The following HPSE2 variants were observed in gnomAD, a reference collection of about 807,000 sequenced individuals.
The protein encoded by HPSE2 is heparanase 2 (inactive), also known as inactive heparanase-2.
A neutral mutation model predicts 60.5 loss-of-function variants in HPSE2; 38 were observed. The ratio of observed to expected loss-of-function variants is 0.63; its 90% confidence interval spans 0.48 to 0.82. The LOEUF is 0.82. Ranked by LOEUF, HPSE2 falls within the 40% of genes least tolerant of loss-of-function variation. The pLI is 0.00. For synonymous variants in HPSE2, 295 were observed against 293.2 expected (o/e 1.01, Z -0.06); for missense variants, 713 against 740.4 (o/e 0.96, Z 0.43).
chr10:98,939,215 G>A (rs1954909837), intron 3 of HPSE2, among the ~76,000 whole-genome samples: 1 of 143,570 alleles, frequency 7.0e-6, no homozygotes. Flanking sequence ...ATAATGACAG[G>A]ATAAATTCAC....
intron 2 of HPSE2, among the ~76,000 whole-genome samples, chr10:99,216,509 T>C (rs777785840): frequency 3.9e-5 from 6 of 152,128 alleles, no homozygotes; most frequent in Non-Finnish European, 7.4e-5. Context: ...TAGACTCTTA[T>C]AAACATTTAC....
rs560196391 is a variant in HPSE2, at chr10:98,524,550, G to C, written c.1321-34354C>G. On this transcript the variant is annotated intron_variant, in intron 9 of 11. Transcript: ENST00000370552. ...TTCCTCATGTTACTTCTCTGTATTAGCCAACCACTTTTGCTGAAAATGATA... is the reference window on the plus strand; with the variant it reads ...TTCCTCATGTTACTTCTCTGTATTACCCAACCACTTTTGCTGAAAATGATA... Among the ~76,000 whole-genome samples the C allele has an allele frequency of 7.2e-5, 11 of 152,260 alleles. No individual in the cohort carries two copies. In the South Asian group the frequency reaches 2.1e-3, roughly 29 times the overall value.
chr10:99,078,042 G>A (rs1377022333), intron 3 of HPSE2, among the ~76,000 whole-genome samples: 1 of 152,054 alleles, frequency 6.6e-6, no homozygotes, highest in Admixed American at 6.5e-5. Flanking sequence ...CCCGTTCCAT[G>A]TGATATGGGC....
At chr10:99,132,395 C>G (rs1454868817) in intron 3 of HPSE2, among the ~76,000 whole-genome samples, 1 of 151,938 alleles carries the variant, frequency 6.6e-6, no homozygotes, top group Admixed American at 6.6e-5. Flanking sequence ...ATTCAAGAAG[C>G]CTGAAATCCA....
At chr10:99,200,280 C>T (rs540897896) in intron 2 of HPSE2, among the ~76,000 whole-genome samples, 4 of 152,088 alleles carry the variant, frequency 2.6e-5, no homozygotes, top group East Asian at 1.9e-4. Flanking sequence ...TGTAGCAAAG[C>T]GATAGGCACC....
Position 98,630,440 on chromosome 10 carries a change from G to A in HPSE2, c.1099-9732C>T, listed in dbSNP as rs909083385. Among the ~76,000 whole-genome samples the A allele has an allele frequency of 6.6e-5, 10 of 151,736 alleles. No homozygotes were observed. In the South Asian group the frequency reaches 1.7e-3, roughly 25 times the overall value. On this transcript the variant is annotated intron_variant, in intron 7 of 11. Transcript: ENST00000370552. ...TCTCGATCTCCTGACCTCATGATCC[G>A]CCCGCCTTGGCCTCCCAAAGTGCTG... is the stretch of plus-strand genomic sequence containing the variant.
At chr10:99,113,976 T>C (rs2135687771) in intron 3 of HPSE2, among the ~76,000 whole-genome samples, 1 of 152,352 alleles carries the variant, frequency 6.6e-6, no homozygotes, top group South Asian at 2.1e-4. Flanking sequence ...AGTACTATAT[T>C]TAATCCAATT....
At chr10:98,684,251 G>A (rs1338326314) in intron 6 of HPSE2, among the ~76,000 whole-genome samples, 2 of 152,196 alleles carry the variant, frequency 1.3e-5, no homozygotes, top group East Asian at 1.9e-4. Flanking sequence ...CAATCAACCC[G>A]TCCAGATGGG....
chr10:98,562,512 C>T (rs1302551171), intron 9 of HPSE2, among the ~76,000 whole-genome samples: 2 of 151,754 alleles, frequency 1.3e-5, no homozygotes, highest in African/African-American at 4.8e-5. Context: ...GTCAGGAGAT[C>T]GAGACCATCC....
chr10:98,618,844 T>C (rs2133982821), intron 8 of HPSE2, among the ~76,000 whole-genome samples: 1 of 152,264 alleles, frequency 6.6e-6, no homozygotes. Flanking sequence ...CCCAAAGTGC[T>C]GGGATTACAG....
At chr10:98,679,399 G>A (rs1947728060) in intron 6 of HPSE2, among the ~76,000 whole-genome samples, 1 of 152,124 alleles carries the variant, frequency 6.6e-6, no homozygotes, top group Non-Finnish European at 1.5e-5. Flanking sequence ...ATTTTCCAGA[G>A]TCCATATGAC....
chr10:98,782,794 G>T, intron 3 of HPSE2, among the ~76,000 whole-genome samples: 1 of 59,948 alleles, frequency 1.7e-5, no homozygotes, highest in Admixed American at 1.4e-4. Context: ...TAGGGCTCCT[G>T]ACTATATAAA....
intron 5 of HPSE2, among the ~76,000 whole-genome samples, chr10:98,696,157 A>T (rs1364918045): frequency 6.6e-6 from 1 of 152,104 alleles, no homozygotes; most frequent in African/African-American, 2.4e-5. Context: ...ATTTCAAAGA[A>T]AGAAATGTAA....
At chr10:99,304,882 TTCC>T in the HPSE2 span, among the ~76,000 whole-genome samples, 1 of 152,216 alleles carries the variant, frequency 6.6e-6, no homozygotes, top group African/African-American at 2.4e-5. Flanking sequence ...AAACACAAGC[TTCC>T]TCCTCAAGGT....
intron 3 of HPSE2, among the ~76,000 whole-genome samples, chr10:99,120,477 A>ATT (rs34044256): frequency 1.1e-3 from 168 of 147,670 alleles, no homozygotes; most frequent in Middle Eastern, 3.5e-3. Flanking sequence ...AGCCATTCTA[A>ATT]TTTTTTTTTT....
intron 3 of HPSE2, among the ~76,000 whole-genome samples, chr10:98,911,749 C>T (rs1022999639): frequency 6.6e-6 from 1 of 151,928 alleles, no homozygotes; most frequent in African/African-American, 2.4e-5. Context: ...CACAGTAGTA[C>T]TGCAAAAAAG....
intron 3 of HPSE2, among the ~76,000 whole-genome samples, chr10:98,960,730 T>TTG (rs1955646889): frequency 4.0e-5 from 1 of 24,794 alleles, no homozygotes; most frequent in Non-Finnish European, 9.1e-5. Context: ...TGTTTTATTT[T>TTG]TTTTATTTTA....
At chr10:98,686,536 G>GAGT (rs1947920894) in intron 6 of HPSE2, among the ~76,000 whole-genome samples, 2 of 151,916 alleles carry the variant, frequency 1.3e-5, no homozygotes, top group African/African-American at 4.8e-5. Flanking sequence ...TAAGTACCTG[G>GAGT]GACTACAGGC....
chr10:98,946,181 C>T (rs904310109), intron 3 of HPSE2, among the ~76,000 whole-genome samples: 3 of 151,934 alleles, frequency 2.0e-5, no homozygotes, highest in Admixed American at 6.6e-5. Flanking sequence ...TCAAAATTTA[C>T]GTGCATGGCC....
Sources: gnomAD v4.1 joint callset for allele counts (sites outside exome capture counted in the v4.1 genomes callset) on GRCh38, gnomAD v4.1.1 for gene constraint, MANE v1.5 for transcripts, NCBI Gene and HGNC (gene_info 2026-07-23, HGNC 2026-07-21) for gene names.